Variants in AUTS2 observed in about 807,000 individuals in gnomAD.
AUTS2 encodes autism susceptibility gene 2 protein.
A neutral mutation model predicts 112.4 loss-of-function variants in AUTS2; 17 were observed. The ratio of observed to expected loss-of-function variants is 0.15; its 90% CI spans 0.10 to 0.23. The LOEUF is 0.23. Ranked by LOEUF, AUTS2 falls within the 10% of genes least tolerant of loss-of-function variation. The pLI is 1.00. For synonymous variants in AUTS2, 751 were observed against 702.7 expected (o/e 1.07, Z -1.09); for missense variants, 1,510 against 1,701.6 (o/e 0.89, Z 1.98).
At chr7:69,959,228 T>C (rs1797335477) in intron 2 of AUTS2, among the ~76,000 whole-genome samples, 1 of 152,112 alleles carries the variant, frequency 6.6e-6, no homozygotes, top group South Asian at 2.1e-4. Flanking sequence ...TCCTGTTGTG[T>C]TTTTTCTAAA....
chr7:70,588,066 C>A (rs1476554846), intron 5 of AUTS2, among the ~76,000 whole-genome samples: 1 of 152,132 alleles, frequency 6.6e-6, no homozygotes, highest in Non-Finnish European at 1.5e-5. Context: ...ACTTTGAGAT[C>A]AAAGATGGTT....
chr7:70,067,789 G>A (rs1802563236), intron 2 of AUTS2, among the ~76,000 whole-genome samples: 1 of 151,810 alleles, frequency 6.6e-6, no homozygotes, highest in South Asian at 2.1e-4. Flanking sequence ...GGAGATTGAG[G>A]CTAAAGTGAG....
intron 1 of AUTS2, among the ~76,000 whole-genome samples, chr7:69,896,457 C>T (rs1460358110): frequency 2.6e-5 from 4 of 152,034 alleles, no homozygotes; most frequent in Non-Finnish European, 1.5e-5. Context: ...TCTTCTTACT[C>T]TTAAGGATAA....
chr7:70,223,837 C>CATGTTTGT (rs1240291760), intron 4 of AUTS2, among the ~76,000 whole-genome samples: 1 of 148,490 alleles, frequency 6.7e-6, no homozygotes, highest in Non-Finnish European at 1.5e-5. Flanking sequence ...GGCTAGTGTG[C>CATGTTTGT]ATGTTTGTAT....
At chr7:70,526,112 C>T (rs549438256) in intron 5 of AUTS2, among the ~76,000 whole-genome samples, 2 of 152,310 alleles carry the variant, frequency 1.3e-5, no homozygotes, top group Admixed American at 6.5e-5. Flanking sequence ...TAATGAGTCA[C>T]CCAGTTTTGT....
chr7:69,969,882 C>G (rs1040826509), intron 2 of AUTS2, among the ~76,000 whole-genome samples: 1 of 152,130 alleles, frequency 6.6e-6, no homozygotes, highest in Non-Finnish European at 1.5e-5. Context: ...CACACAATCT[C>G]TTCAATATCC....
At chr7:69,644,274 AT>A (rs1417697424) in intron 1 of AUTS2, among the ~76,000 whole-genome samples, 1 of 152,024 alleles carries the variant, frequency 6.6e-6, no homozygotes, top group African/African-American at 2.4e-5. Flanking sequence ...AATTGCAGTC[AT>A]TCCCATTCTT....
At chr7:69,987,964 A>G (rs965930851) in intron 2 of AUTS2, among the ~76,000 whole-genome samples, 3 of 152,152 alleles carry the variant, frequency 2.0e-5, no homozygotes, top group Admixed American at 2.0e-4. Flanking sequence ...GTGCGTGTGT[A>G]TGTCAGGGGA....
intron 1 of AUTS2, among the ~76,000 whole-genome samples, chr7:69,763,046 C>T (rs916128489): frequency 2.6e-5 from 4 of 152,180 alleles, no homozygotes; most frequent in Non-Finnish European, 5.9e-5. Context: ...AGACATGAAA[C>T]ACTGGTTTTA....
At chr7:70,318,863 G>C (rs1790122600) in intron 4 of AUTS2, among the ~76,000 whole-genome samples, 1 of 152,200 alleles carries the variant, frequency 6.6e-6, no homozygotes, top group African/African-American at 2.4e-5. Flanking sequence ...TAGGTACCTA[G>C]TGTTTGATTT....
At chr7:69,769,174 C>G (rs1422545816) in intron 1 of AUTS2, among the ~76,000 whole-genome samples, 1 of 152,196 alleles carries the variant, frequency 6.6e-6, no homozygotes, top group Non-Finnish European at 1.5e-5. Context: ...TGCTGTCAGT[C>G]TGACATAGCT....
rs1348739753 is a variant in AUTS2, at chr7:70,182,570, T to C, written c.660+47999T>C. On this transcript the variant is annotated intron_variant, in intron 4 of 18. Transcript: ENST00000342771. ...CTGAATGGATCATTTGGTTCTCAGC[T>C]TTGCTGTTAAAACTCTTTAATGGTC... 2.6e-5 allele frequency among the ~76,000 whole-genome samples: 4 copies of C among 152,162 alleles called. No individual in the cohort carries two copies. The East Asian group carries it at 7.7e-4, about 29-fold the overall frequency.
intron 1 of AUTS2, among the ~76,000 whole-genome samples, chr7:69,748,015 C>T (rs1787579872): frequency 6.6e-6 from 1 of 151,092 alleles, no homozygotes; most frequent in Non-Finnish European, 1.5e-5. Flanking sequence ...CAAATCGAAT[C>T]TAGATAGAAT....
intron 14 of AUTS2, 143 bp downstream of exon 14, chr7:70,777,317 C>A: frequency 2.6e-6 from 2 of 765,210 alleles, no homozygotes; most frequent in Non-Finnish European, 2.2e-6. Flanking sequence ...CTTGGAAAAG[C>A]TACTCAGAAG....
chr7:69,619,378 C>A (rs1402741206), intron 1 of AUTS2, among the ~76,000 whole-genome samples: 7 of 152,114 alleles, frequency 4.6e-5, no homozygotes. Context: ...AAAGTTATAG[C>A]ATTACCTTGG....
chr7:70,664,541 G>T (rs1325114235), intron 5 of AUTS2, among the ~76,000 whole-genome samples: 1 of 152,112 alleles, frequency 6.6e-6, no homozygotes, highest in Non-Finnish European at 1.5e-5. Flanking sequence ...TAATCATTAG[G>T]CAGTTTACTA....
intron 6 of AUTS2, among the ~76,000 whole-genome samples, chr7:70,760,284 C>T (rs1354924030): frequency 6.6e-6 from 1 of 152,178 alleles, no homozygotes. Context: ...GGATTACAGG[C>T]GTGAGCCACC....
intron 1 of AUTS2, among the ~76,000 whole-genome samples, chr7:69,747,255 A>C (rs1787535378): frequency 6.6e-6 from 1 of 152,176 alleles, no homozygotes; most frequent in South Asian, 2.1e-4. Flanking sequence ...GTGAATGGGT[A>C]TTGCTGTGTT....
At chr7:70,118,461 G>A in intron 3 of AUTS2, 1 of 474,294 alleles carries the variant, frequency 2.1e-6, no homozygotes, top group Non-Finnish European at 3.4e-6. Context: ...CAAATCATTA[G>A]GTAGGAGGAA....
Sources: gnomAD v4.1 joint callset for allele counts (sites outside exome capture counted in the v4.1 genomes callset) on GRCh38, gnomAD v4.1.1 for gene constraint, MANE v1.5 for transcripts, NCBI Gene and HGNC (gene_info 2026-07-23, HGNC 2026-07-21) for gene names.